The following TGFB1I1 variants were observed in gnomAD, a reference collection of about 807,000 sequenced individuals.
The protein encoded by TGFB1I1 is transforming growth factor beta 1 induced transcript 1.
TGFB1I1 carries 33 observed loss-of-function variants against 52.0 expected under a neutral mutation model. That is an observed-to-expected ratio of 0.63 (90% CI 0.48 to 0.85). TGFB1I1 has a LOEUF of 0.85. Among genes scored for constraint, TGFB1I1 ranks in the 40% least tolerant of loss-of-function variants. The pLI is 0.00. For missense variants in TGFB1I1, 577 were observed against 614.9 expected (o/e 0.94, Z 0.65); for synonymous variants, 236 against 253.3 (o/e 0.93, Z 0.65).
chr16:31,476,671 C>A lies in TGFB1I1; in HGVS notation c.970+109C>A. On this transcript the variant is annotated intron_variant, in intron 9 of 10. Coordinates refer to ENST00000394863, the MANE Select transcript of TGFB1I1 (RefSeq NM_001042454.3). This position sits in a 1 kb window ranked among gnomAD's most constrained non-coding sequence, Gnocchi z 7.6. ...AGGGCCATGGTTTTCCTTCTGCTCT[C>A]TTCTGGCCCTGCCCTCTCCTACACA... 7.0e-7 allele frequency: 1 copy of A among 1,438,108 alleles called. No individual in the cohort carries two copies. Among genetic ancestry groups the A allele is most frequent in the Non-Finnish European group, 9.5e-7 (1 of 1,053,254 alleles). 89.1% of individuals were successfully genotyped at this position (1,438,108 alleles called of 1,614,324 possible).
intron 1 of TGFB1I1, 57 bp from the exon 2 acceptor site, chr16:31,473,384 T>G: frequency 1.9e-6 from 3 of 1,570,184 alleles, no homozygotes; most frequent in Non-Finnish European, 2.6e-6. Flanking sequence ...ACTGGGAACC[T>G]TATCTTCTGA....
In TGFB1I1 at chr16:31,477,031, C is replaced by T. The variant is rs1345961960; in HGVS notation, c.1119+21C>T. ...GCAGGGTGCGAGCTGCGGGGCGGGG[C>T]GTTGGAGGGGCGGGTCAAGGGTACA... On this transcript the variant is annotated intron_variant, in intron 10 of 10. Coordinates refer to ENST00000394863, the MANE Select transcript of TGFB1I1 (RefSeq NM_001042454.3). The surrounding 1 kb of genome is among the most constrained non-coding windows in gnomAD (Gnocchi z 4.7). The T allele has an allele frequency of 2.2e-6, 3 of 1,355,792 alleles. No homozygotes were observed. In the African/African-American group the frequency reaches 4.4e-5, roughly 20 times the overall value. The allele number at this position is 1,355,792 out of a possible 1,614,324, so 84.0% of individuals were successfully genotyped here. A position where few individuals can be genotyped will look rare whatever the true frequency, so the allele number is the denominator to read the frequency against.
In TGFB1I1 at chr16:31,477,406, G is replaced by T. The variant is rs756958379; in HGVS notation, c.1216G>T (p.Ala406Ser). 1.9e-6 allele frequency: 3 copies of T among 1,607,474 alleles called. No individual in the cohort carries two copies. Among genetic ancestry groups the T allele is most frequent in the Non-Finnish European group, 2.5e-6 (3 of 1,177,554 alleles). Reference protein sequence around the residue: ...HFHARRGSLCATCGLPVTGRC... With the variant: ...HFHARRGSLCSTCGLPVTGRC... ...CCACGCACGACGCGGCTCGCTGTGC[G>T]CCACGTGTGGCCTCCCTGTGACCGG... The change falls in exon 11 of 11, where the codon GCC (alanine) becomes TCC (serine). Residue 406 changes from alanine (A) to serine (S), a missense_variant. Coordinates refer to ENST00000394863, the MANE Select transcript of TGFB1I1 (RefSeq NM_001042454.3). The surrounding 1 kb of genome is among the most constrained non-coding windows in gnomAD (Gnocchi z 4.7).
Position 31,476,739 on chromosome 16 carries a change from C to A in TGFB1I1, c.971-123C>A. ...CTCCCCGCTCTGTCCCGCCATAGAC[C>A]CGGCTCCTCCTTCCCCAAGGCTCCC... On this transcript the variant is annotated intron_variant, in intron 9 of 10. Transcript: ENST00000394863. The surrounding 1 kb of genome is among the most constrained non-coding windows in gnomAD (Gnocchi z 7.6). 1.3e-6 allele frequency: 2 copies of A among 1,517,266 alleles called. No individual in the cohort carries two copies. Among genetic ancestry groups the A allele is most frequent in the South Asian group, 1.2e-5 (1 of 81,350 alleles). The allele number at this position is 1,517,266 out of a possible 1,614,324, so 94.0% of individuals were successfully genotyped here.
chr16:31,472,462 C>A, intron 1 of TGFB1I1: 1 of 426,678 alleles, frequency 2.3e-6, no homozygotes, highest in Non-Finnish European at 3.4e-6. Context: ...GCGGCGCCCG[C>A]GGGCGCCCGG....
intron 1 of TGFB1I1, 28 bp downstream of exon 1, chr16:31,472,229 T>C: frequency 6.8e-7 from 1 of 1,476,938 alleles, no homozygotes; most frequent in Non-Finnish European, 9.0e-7. Flanking sequence ...CCCGGGTCCG[T>C]GGCCCCTCAC....
rs770704623 is a variant in TGFB1I1, at chr16:31,474,336, C to A, written c.414-14C>A. 1.9e-6 allele frequency: 3 copies of A among 1,614,092 alleles called. No homozygotes were observed. Among genetic ancestry groups the A allele is most frequent in the Non-Finnish European group, 2.5e-6 (3 of 1,179,962 alleles). On this transcript the variant is annotated splice_polypyrimidine_tract_variant and intron_variant, in intron 5 of 10. Coordinates refer to ENST00000394863, the MANE Select transcript of TGFB1I1 (RefSeq NM_001042454.3). The surrounding 1 kb of genome is among the most constrained non-coding windows in gnomAD (Gnocchi z 4.2). ...CTGGGAGGCTCTGAGATGACACAAG[C>A]ATGTTCTTCACAGCCCTTCCAGCCC...
At position 31,474,144 on chromosome 16, in the gene TGFB1I1, C is replaced by G; in HGVS notation, c.326-8C>G. The G allele has an allele frequency of 6.2e-7, 1 of 1,613,962 alleles. No homozygotes were observed. On this transcript the variant is annotated splice_region_variant and splice_polypyrimidine_tract_variant and intron_variant, in intron 4 of 10. Transcript: ENST00000394863. This position sits in a 1 kb window ranked among gnomAD's most constrained non-coding sequence, Gnocchi z 4.2. ...CCTATATGTAGCGTCCTCCTCTCCT[C>G]TCTCCAGATGAAATCATGTCTCAGT...
chr16:31,472,276 G>A, intron 1 of TGFB1I1, 75 bp downstream of exon 1: 2 of 1,421,748 alleles, frequency 1.4e-6, no homozygotes, highest in Admixed American at 2.6e-5. Context: ...TCGCTCTCCC[G>A]CATCTCCCCA....
rs775045762 is a variant in TGFB1I1, at chr16:31,474,524, T to A, written c.520-39T>A. On this transcript the variant is annotated intron_variant, in intron 6 of 10. Coordinates refer to ENST00000394863, the MANE Select transcript of TGFB1I1 (RefSeq NM_001042454.3). This position sits in a 1 kb window ranked among gnomAD's most constrained non-coding sequence, Gnocchi z 4.2. The stretch of plus-strand genomic sequence containing the variant: ...CCCTTCTAGACAATTCCACATCTGC[T>A]GCTTTGCTGACTCAATTCTCATGTC... 2 of 1,612,086 alleles carry A rather than the reference T, an allele frequency of 1.2e-6. No homozygotes were observed. Among genetic ancestry groups the A allele is most frequent in the Admixed American group, 3.3e-5 (2 of 59,980 alleles).
rs1482748506 is a variant in TGFB1I1, at chr16:31,476,015, G to T, written c.718G>T (p.Val240Leu). 1 of 1,611,510 alleles carries T rather than the reference G, an allele frequency of 6.2e-7. No individual in the cohort carries two copies. ...CCGCCTCACCTCCCACTCGCAGGTG[G>T]TGACGGCTCTGGGCCGCGCCTGGCA... Reference protein sequence around the residue: ...SCNKPIAGQVVTALGRAWHPE... With the variant: ...SCNKPIAGQVLTALGRAWHPE... The change falls in exon 8 of 11, where the codon GTG becomes TTG. Residue 240 changes from valine (V) to leucine (L), a missense_variant. Physicochemically the swap from Val to Leu is conservative, Grantham distance 32. This residue lies in a region of TGFB1I1 where 456 missense variants were observed against 461.6 expected (regional missense o/e 0.99). Transcript: ENST00000394863. This position sits in a 1 kb window ranked among gnomAD's most constrained non-coding sequence, Gnocchi z 7.6.
Position 31,476,077 on chromosome 16 carries a change from C to T in TGFB1I1, c.780C>T (p.Ala260=). The T allele has an allele frequency of 1.2e-6, 2 of 1,613,888 alleles. No individual in the cohort carries two copies. The part of the protein sequence containing the change: ...EHFVCGGCST[A]LGGSSFFEKD... ...TCGTTTGCGGAGGCTGTTCCACCGC[C>T]CTGGGAGGCAGCAGCTTCTTCGAGA... Residue 260 remains alanine (A), a synonymous_variant, in exon 8 of 11, where the codon GCC becomes GCT. Transcript: ENST00000394863. The surrounding 1 kb of genome is among the most constrained non-coding windows in gnomAD (Gnocchi z 7.6).
At chr16:31,475,896 A>G (rs975085748) in intron 7 of TGFB1I1, 116 bp from the exon 8 acceptor site, 6 of 1,142,450 alleles carry the variant, frequency 5.3e-6, no homozygotes, top group Non-Finnish European at 7.5e-6. Context: ...GATCTCGAAC[A>G]CTGGATTCTT....
Position 31,474,951 on chromosome 16 carries a change from A to G in TGFB1I1, c.714+194A>G, listed in dbSNP as rs1596612175. ...TAGTGGTAGGGTGAAAATTCCAACC[A>G]TGTTACCATTTATTGTGGTCCTACT... is the stretch of plus-strand genomic sequence containing the variant. On this transcript the variant is annotated intron_variant, in intron 7 of 10. Transcript: ENST00000394863. This position sits in a 1 kb window ranked among gnomAD's most constrained non-coding sequence, Gnocchi z 4.2. The G allele has an allele frequency of 1.6e-6, 1 of 614,100 alleles. No individual in the cohort carries two copies. The highest frequency in any genetic ancestry group is 2.8e-6 in the Non-Finnish European group (1 of 352,884). The allele number at this position is 614,100 out of a possible 1,614,324, so 38.0% of individuals were successfully genotyped here. A position where few individuals can be genotyped will look rare whatever the true frequency, so the allele number is the denominator to read the frequency against.
At chr16:31,473,008 C>T (rs2082400018) in intron 1 of TGFB1I1, 1 of 169,664 alleles carries the variant, frequency 5.9e-6, no homozygotes. Flanking sequence ...GTGAGGAGCC[C>T]AGGGCGGGAC....
In TGFB1I1 at chr16:31,474,301, G is replaced by A. The variant is rs1319903691; in HGVS notation, c.414-49G>A. On this transcript the variant is annotated intron_variant, in intron 5 of 10. Coordinates refer to ENST00000394863, the MANE Select transcript of TGFB1I1 (RefSeq NM_001042454.3). The surrounding 1 kb of genome is among the most constrained non-coding windows in gnomAD (Gnocchi z 4.2). ...TCCTGGATATCTGAGTCACTAGAGGGAGCGTTGCTCTGGGAGGCTCTGAGA... is the reference window on the plus strand; with the variant it reads ...TCCTGGATATCTGAGTCACTAGAGGAAGCGTTGCTCTGGGAGGCTCTGAGA... The A allele has an allele frequency of 6.2e-7, 1 of 1,613,544 alleles. No homozygotes were observed. The highest frequency in any genetic ancestry group is 8.5e-7 in the Non-Finnish European group (1 of 1,179,634).
rs758541018 is a variant in TGFB1I1, at chr16:31,476,381, TC to T, written c.889-94del. 5 of 1,245,764 alleles carry T rather than the reference TC, an allele frequency of 4.0e-6. No individual in the cohort carries two copies. The highest frequency in any genetic ancestry group is 2.2e-5 in the Admixed American group (1 of 44,552). 77.2% of individuals were successfully genotyped at this position (1,245,764 alleles called of 1,614,324 possible). On this transcript the variant is annotated intron_variant, in intron 8 of 10. Coordinates refer to ENST00000394863, the MANE Select transcript of TGFB1I1 (RefSeq NM_001042454.3). This position sits in a 1 kb window ranked among gnomAD's most constrained non-coding sequence, Gnocchi z 7.6. ...CGTTCCTAGTTAGATCTTCTCCCCC[TC>T]CCCCCACGCATGCCTTAGTCCAGTC...
At chr16:31,473,040 G>A in intron 1 of TGFB1I1, 2 of 243,742 alleles carry the variant, frequency 8.2e-6, no homozygotes, top group Non-Finnish European at 1.4e-5. Context: ...GGAGTGGCCA[G>A]GCTGGGCGGG....
chr16:31,472,470 C>A, intron 1 of TGFB1I1: 1 of 472,784 alleles, frequency 2.1e-6, no homozygotes, highest in Non-Finnish European at 3.2e-6. Flanking sequence ...CGCGGGCGCC[C>A]GGGCGCGGGG....
Sources: gnomAD v4.1 joint callset for allele counts on GRCh38, gnomAD v4.1.1 for gene constraint, gnomAD v4.1.1 regional missense constraint, Gnocchi (gnomAD v3.1) non-coding constraint, MANE v1.5 for transcripts, NCBI Gene and HGNC (gene_info 2026-07-23, HGNC 2026-07-21) for gene names.